Variants in AHNAK observed in about 807,000 individuals in gnomAD.
The protein encoded by AHNAK is AHNAK nucleoprotein.
In AHNAK, 23 loss-of-function variants were observed where a neutral mutation model predicts 37.8. The observed-to-expected ratio is 0.61, with a 90% CI of 0.44 to 0.86. AHNAK has a LOEUF of 0.86. Among genes scored for constraint, AHNAK ranks in the 40% least tolerant of loss-of-function variants. The probability of loss-of-function intolerance (pLI) is 0.00; values close to 1 mark genes in which losing one functional copy is unlikely to be tolerated. For missense variants in AHNAK, 7,411 were observed against 7,319.4 expected, an observed-to-expected ratio of 1.01 and a Z score of -0.46; for synonymous variants, 2,481 against 2,636.3, an observed-to-expected ratio of 0.94 and a Z score of 1.80.
chr11:62,450,106 A>G (rs1487196755), intron 5 of AHNAK, among the ~76,000 whole-genome samples: 2 of 149,050 alleles, frequency 1.3e-5, no homozygotes, highest in Admixed American at 1.4e-4. Context: ...CTTTTGTTTT[A>G]TTTTATTTTA....
intron 4 of AHNAK, among the ~76,000 whole-genome samples, chr11:62,501,055 CA>C (rs199515272): frequency 6.7e-4 from 101 of 150,978 alleles, no homozygotes; most frequent in Non-Finnish European, 2.5e-4. Context: ...ACCATCTCTA[CA>C]AAAAAAAATC....
At chr11:62,499,319 C>T (rs1005162587) in intron 4 of AHNAK, among the ~76,000 whole-genome samples, 3 of 152,168 alleles carry the variant, frequency 2.0e-5, no homozygotes, top group Non-Finnish European at 2.9e-5. Context: ...GAGGCCGAGG[C>T]GGGTGGATCA....
chr11:62,481,199 G>T (rs908769585), intron 5 of AHNAK, among the ~76,000 whole-genome samples: 11 of 151,172 alleles, frequency 7.3e-5, no homozygotes, highest in African/African-American at 2.7e-4. Flanking sequence ...TCTGCCTCCC[G>T]AGTTCAAGCA....
rs1455757743 is a variant in AHNAK, at chr11:62,529,003, T to A, written c.5414A>T (p.Glu1805Val). 2 of 1,614,178 alleles carry A rather than the reference T, an allele frequency of 1.2e-6. No individual in the cohort carries two copies. The highest frequency in any genetic ancestry group is 1.7e-6 in the Non-Finnish European group (2 of 1,180,034). ...LKGEIDASVPELEGDLRGPQV... is the reference protein window; with the variant it reads ...LKGEIDASVPVLEGDLRGPQV... ...CGGCCCTCTGAGATCACCTTCCAGT[T>A]CTGGCACAGAAGCATCTATCTCTCC... The change falls in exon 5 of 5, where the codon GAA becomes GTA. Residue 1805 changes from glutamate (E) to valine (V), a missense_variant. Physicochemically the swap from Glu to Val is moderately radical, Grantham distance 121. Coordinates refer to ENST00000378024, the MANE Select transcript of AHNAK (RefSeq NM_001620.3).
At chr11:62,476,694 C>T (rs111678960) in intron 5 of AHNAK, among the ~76,000 whole-genome samples, 4 of 152,196 alleles carry the variant, frequency 2.6e-5, no homozygotes, top group African/African-American at 7.2e-5. Context: ...CAACAATGAA[C>T]CATTTCTCGA....
chr11:62,484,737 T>C (rs914258238), intron 5 of AHNAK, among the ~76,000 whole-genome samples: 1 of 152,162 alleles, frequency 6.6e-6, no homozygotes, highest in Non-Finnish European at 1.5e-5. Context: ...CGGAAGGTCA[T>C]GAGTGAGGCA....
chr11:62,500,358 G>T (rs1254821388), intron 4 of AHNAK, among the ~76,000 whole-genome samples: 1 of 152,186 alleles, frequency 6.6e-6, no homozygotes, highest in Non-Finnish European at 1.5e-5. Flanking sequence ...GTACCTGGCT[G>T]CCCCACCTGA....
At chr11:62,435,469 G>C (rs921403470) in intron 5 of AHNAK, among the ~76,000 whole-genome samples, 1 of 151,874 alleles carries the variant, frequency 6.6e-6, no homozygotes, top group African/African-American at 2.4e-5. Context: ...GGAATGCAGT[G>C]GCGCGATCTT....
At chr11:62,534,756 G>A (rs767849916) in intron 4 of AHNAK, among the ~76,000 whole-genome samples, 8 of 152,166 alleles carry the variant, frequency 5.3e-5, no homozygotes, top group Non-Finnish European at 1.0e-4. Flanking sequence ...GGCTGCACAA[G>A]TCAGTTCCCA....
chr11:62,434,040 G>C, intron 5 of AHNAK: 1 of 1,043,486 alleles, frequency 9.6e-7, no homozygotes. Flanking sequence ...GCCTCTGGAA[G>C]GGATAGATTT....
intron 5 of AHNAK, among the ~76,000 whole-genome samples, chr11:62,461,082 G>C (rs11231096): frequency 2.2e-5 from 3 of 134,628 alleles, no homozygotes; most frequent in Non-Finnish European, 3.1e-5. Flanking sequence ...TGATCCGCCC[G>C]CCTCGGCCTC....
chr11:62,513,297 G>A (rs1355923073), downstream of AHNAK, among the ~76,000 whole-genome samples: 1 of 152,198 alleles, frequency 6.6e-6, no homozygotes, highest in Non-Finnish European at 1.5e-5. Flanking sequence ...AACACTTTGG[G>A]AGACCAAGGT....
At chr11:62,494,806 T>A (rs1021078974) in intron 4 of AHNAK, among the ~76,000 whole-genome samples, 2 of 151,100 alleles carry the variant, frequency 1.3e-5, no homozygotes, top group Non-Finnish European at 2.9e-5. Context: ...AAGTCAGGAG[T>A]TCAAGACCAG....
chr11:62,486,072 C>T (rs1327280961), intron 5 of AHNAK, among the ~76,000 whole-genome samples: 1 of 146,592 alleles, frequency 6.8e-6, no homozygotes, highest in Non-Finnish European at 1.5e-5. Context: ...AATTCTAACA[C>T]AAAATATAAC....
chr11:62,448,548 C>G lies in AHNAK; in HGVS notation c.443-14657G>C, dbSNP rs561964820. On this transcript the variant is annotated intron_variant, in intron 5 of 5. Transcript: ENST00000257247. ...AGAGGGAGGCATTGAGGATAACACT[C>G]AAGTTTTCTAGTTTGAAGGCAGGCG... 2.6e-5 allele frequency among the ~76,000 whole-genome samples: 4 copies of G among 152,100 alleles called. No individual in the cohort carries two copies. The East Asian group carries it at 5.8e-4, about 22-fold the overall frequency.
chr11:62,466,469 A>ATTTTTTTT (rs67385747), intron 5 of AHNAK, among the ~76,000 whole-genome samples: 27 of 135,764 alleles, frequency 2.0e-4, no homozygotes, highest in African/African-American at 7.5e-4. Context: ...TAAAGTTTTG[A>ATTTTTTTT]TTTTTTTTTT....
At chr11:62,542,314 C>G (rs983397020) in intron 1 of AHNAK, among the ~76,000 whole-genome samples, 2 of 152,122 alleles carry the variant, frequency 1.3e-5, no homozygotes, top group African/African-American at 4.8e-5. Context: ...TGCACCTCCC[C>G]TTGTGTGTGT....
In AHNAK at chr11:62,528,426, G is replaced by C. The variant is rs1327998996; in HGVS notation, c.5991C>G (p.His1997Gln). 6.2e-7 allele frequency: 1 copy of C among 1,613,284 alleles called. No individual in the cohort carries two copies. Among genetic ancestry groups the C allele is most frequent in the Non-Finnish European group, 8.5e-7 (1 of 1,179,916 alleles). Residue 1997 changes from histidine (H) to glutamine (Q), a missense_variant, in exon 5 of 5, where the codon CAC becomes CAG. Transcript: ENST00000378024. ...CCCCTTTGACTTTGGGGCCTTTCAG[G>C]TGTAAGTCCACATCAGGCATGGAGA... ...PKISMPDVDLHLKGPKVKGDM... is the reference protein window; with the variant it reads ...PKISMPDVDLQLKGPKVKGDM...
rs374000220 is a variant in AHNAK, at chr11:62,528,935, C to T, written c.5482G>A (p.Asp1828Asn). Residue 1828 changes from aspartate (D) to asparagine (N), a missense_variant, in exon 5 of 5, where the codon GAT becomes AAT. Transcript: ENST00000378024. The stretch of plus-strand genomic sequence containing the variant: ...GCATCAGGACACTCCAGATCAACAT[C>T]GGGCACCTCCGCTTCCACAAAAGGA... Reference protein sequence around the residue: ...KGPFVEAEVPDVDLECPDAKL... With the variant: ...KGPFVEAEVPNVDLECPDAKL... 34 of 1,614,068 alleles carry T rather than the reference C, an allele frequency of 2.1e-5. No individual in the cohort carries two copies. Among genetic ancestry groups the T allele is most frequent in the Non-Finnish European group, 2.8e-5 (33 of 1,180,036 alleles).
Sources: allele counts gnomAD v4.1 joint callset (sites outside exome capture counted in the v4.1 genomes callset), GRCh38; gene constraint gnomAD v4.1.1; transcripts MANE v1.5; gene names NCBI Gene and HGNC (gene_info 2026-07-23, HGNC 2026-07-21).